The following LRRC8C variants were observed in gnomAD, a reference collection of about 807,000 sequenced individuals.
The protein encoded by LRRC8C is leucine rich repeat containing 8 VRAC subunit C, also known as volume-regulated anion channel subunit LRRC8C.
In LRRC8C, 20 loss-of-function variants were observed where a neutral mutation model predicts 55.3. That is an observed-to-expected ratio of 0.36 (90% CI 0.25 to 0.53). LRRC8C has a LOEUF of 0.53. Among genes scored for constraint, LRRC8C ranks in the 20% least tolerant of loss-of-function variants. LRRC8C has a pLI of 0.92. For missense variants in LRRC8C, 659 were observed against 951.4 expected (o/e 0.69, Z 4.04); for synonymous variants, 376 against 360.7 (o/e 1.04, Z -0.48).
intron 1 of LRRC8C, among the ~76,000 whole-genome samples, chr1:89,652,376 G>A (rs765643266): frequency 2.6e-5 from 4 of 152,136 alleles, no homozygotes; most frequent in Non-Finnish European, 5.9e-5. Flanking sequence ...CATCTCTTCT[G>A]AAAAGAGATA....
At chr1:89,700,266 T>C (rs1658282404) in intron 2 of LRRC8C, among the ~76,000 whole-genome samples, 1 of 152,186 alleles carries the variant, frequency 6.6e-6, no homozygotes, top group South Asian at 2.1e-4. Context: ...AAGTTCCTTC[T>C]ACTCCGCCAA....
rs1658859046 is a variant in LRRC8C, at chr1:89,717,430, A to G, written c.*2448A>G. 1 of 152,148 alleles carries G rather than the reference A, an allele frequency of 6.6e-6. No homozygotes were observed. The highest frequency in any genetic ancestry group is 1.5e-5 in the Non-Finnish European group (1 of 68,006). 9.4% of individuals were successfully genotyped at this position (152,148 alleles called of 1,614,324 possible). ...TTTATCACTTGTAAAAATTTGCTCA[A>G]AATTCCAAAAAAATATTGATTTGTT... On this transcript the variant is annotated 3_prime_UTR_variant, in exon 3 of 3. Coordinates refer to ENST00000370454, the MANE Select transcript of LRRC8C (RefSeq NM_032270.5).
At chr1:89,661,328 A>G (rs747348426) in intron 1 of LRRC8C, 20 of 357,804 alleles carry the variant, frequency 5.6e-5, no homozygotes, top group Middle Eastern at 1.1e-3. Context: ...TTCTGTCCCA[A>G]CTAACATCTG....
the LRRC8C span, among the ~76,000 whole-genome samples, chr1:89,627,778 T>C: frequency 6.6e-6 from 1 of 152,156 alleles, no homozygotes; most frequent in Non-Finnish European, 1.5e-5. Flanking sequence ...TCTGTCAATA[T>C]GAGAAAATAA....
At chr1:89,627,526 C>A in the LRRC8C span, among the ~76,000 whole-genome samples, 2 of 152,078 alleles carry the variant, frequency 1.3e-5, no homozygotes. Flanking sequence ...GATATGAGTA[C>A]ACTAGTGGAA....
At chr1:89,710,721 G>A (rs1434375808) in intron 2 of LRRC8C, among the ~76,000 whole-genome samples, 3 of 152,114 alleles carry the variant, frequency 2.0e-5, no homozygotes, top group South Asian at 2.1e-4. Context: ...CTCTCTTCCC[G>A]CAGCCTCATT....
At chr1:89,678,682 A>G (rs1318471090) in intron 1 of LRRC8C, among the ~76,000 whole-genome samples, 1 of 147,410 alleles carries the variant, frequency 6.8e-6, no homozygotes, top group East Asian at 2.1e-4. Context: ...CCTGGGCAAC[A>G]AGGGAGAAAT....
chr1:89,642,616 G>A (rs185876572), intron 1 of LRRC8C, among the ~76,000 whole-genome samples: 11 of 152,258 alleles, frequency 7.2e-5, no homozygotes, highest in Admixed American at 4.6e-4. Flanking sequence ...TTGAGAGGCC[G>A]AGGTGGGTGG....
the LRRC8C span, among the ~76,000 whole-genome samples, chr1:89,627,477 A>G: frequency 6.6e-6 from 1 of 152,184 alleles, no homozygotes; most frequent in African/African-American, 2.4e-5. Flanking sequence ...TTTCAATTAA[A>G]GAGTAAGCTG....
At chr1:89,616,870 G>A in the LRRC8C span, among the ~76,000 whole-genome samples, 1 of 152,182 alleles carries the variant, frequency 6.6e-6, no homozygotes, top group Non-Finnish European at 1.5e-5. Flanking sequence ...CTACTCCTCA[G>A]GGAGGTTATG....
chr1:89,709,992 C>G (rs1649361230), intron 2 of LRRC8C, among the ~76,000 whole-genome samples: 1 of 152,142 alleles, frequency 6.6e-6, no homozygotes, highest in African/African-American at 2.4e-5. Context: ...ACCTCGTGAT[C>G]CACCCGCCTT....
At chr1:89,659,796 C>G (rs12410010) in intron 1 of LRRC8C, among the ~76,000 whole-genome samples, 12,611 of 152,192 alleles carry the variant, frequency 0.083, 669 homozygotes, top group Admixed American at 0.14. Context: ...TACATGTGGA[C>G]TAGCTCTGTG....
chr1:89,660,270 C>T (rs1192156767), intron 1 of LRRC8C, among the ~76,000 whole-genome samples: 1 of 152,142 alleles, frequency 6.6e-6, no homozygotes, highest in African/African-American at 2.4e-5. Context: ...TCCCTAAGAC[C>T]TCACTTAGTG....
intron 1 of LRRC8C, among the ~76,000 whole-genome samples, chr1:89,685,101 C>CTGTTTT (rs1657830996): frequency 2.6e-5 from 2 of 76,164 alleles, no homozygotes; most frequent in East Asian, 4.8e-4. Context: ...CTATCTAGTT[C>CTGTTTT]TTTTTTTTTT....
At chr1:89,694,626 G>A (rs1658117294) in intron 2 of LRRC8C, among the ~76,000 whole-genome samples, 2 of 112,232 alleles carry the variant, frequency 1.8e-5, no homozygotes, top group East Asian at 5.6e-4. Flanking sequence ...GTCTCACTCT[G>A]TCACCCAGGC....
At chr1:89,652,419 G>C (rs935724059) in intron 1 of LRRC8C, among the ~76,000 whole-genome samples, 1 of 152,178 alleles carries the variant, frequency 6.6e-6, no homozygotes, top group Admixed American at 6.5e-5. Context: ...GATTTTGGTG[G>C]TTAAGAATAA....
rs1048151981 is a variant in LRRC8C, at chr1:89,651,499, T to C, written c.-5+18177T>C. Among the ~76,000 whole-genome samples, 4 of 129,518 alleles carry C rather than the reference T, an allele frequency of 3.1e-5. No homozygotes were observed. In the Admixed American group the frequency reaches 3.9e-4, roughly 13 times the overall value. The allele number at this position is 129,518 out of a possible 152,430, so 85.0% of individuals were successfully genotyped here. ...AGGAGAATGGCATGAACCTGGGAGG[T>C]GGAGCTTACAGTGAGCTGAGATCGC... On this transcript the variant is annotated intron_variant, in intron 1 of 2. Transcript: ENST00000370454.
intron 1 of LRRC8C, among the ~76,000 whole-genome samples, chr1:89,647,221 A>C (rs114147050): frequency 1.3e-5 from 2 of 152,148 alleles, no homozygotes; most frequent in Admixed American, 6.5e-5. Flanking sequence ...GACAAAGCAA[A>C]TCTTCGGTGC....
Position 89,690,005 on chromosome 1 carries a change from G to C in LRRC8C, c.138+3394G>C, listed in dbSNP as rs528024443. Among the ~76,000 whole-genome samples the C allele has an allele frequency of 2.0e-5, 3 of 152,242 alleles. No homozygotes were observed. In the South Asian group the frequency reaches 6.2e-4, roughly 32 times the overall value. ...TAGACCTCAGCAACTAGAAAAGTTTGTTTGTAAACATGTTAGGTTTGTGAT... is the reference window on the plus strand; with the variant it reads ...TAGACCTCAGCAACTAGAAAAGTTTCTTTGTAAACATGTTAGGTTTGTGAT... On this transcript the variant is annotated intron_variant, in intron 2 of 2. Transcript: ENST00000370454.
Sources: gnomAD v4.1 joint callset for allele counts (sites outside exome capture counted in the v4.1 genomes callset) on GRCh38, gnomAD v4.1.1 for gene constraint, MANE v1.5 for transcripts, NCBI Gene and HGNC (gene_info 2026-07-23, HGNC 2026-07-21) for gene names.